MTX2: variants seen among roughly 807,000 people sequenced by gnomAD.
MTX2 encodes the protein metaxin-2.
MTX2 carries 35 observed loss-of-function variants against 42.3 expected under a neutral mutation model. The ratio of observed to expected loss-of-function variants is 0.83; its 90% CI spans 0.63 to 1.10. The LOEUF is 1.10. Ranked by LOEUF, MTX2 falls within the 50% of genes least tolerant of loss-of-function variation. The pLI is 0.00. For missense variants in MTX2, 307 were observed against 304.1 expected, an observed-to-expected ratio of 1.01 and a Z score of -0.07; for synonymous variants, 119 against 100.9, an observed-to-expected ratio of 1.18 and a Z score of -1.08.
At chr2:176,321,337 A>G (rs1684578744) in intron 3 of MTX2, among the ~76,000 whole-genome samples, 1 of 152,158 alleles carries the variant, frequency 6.6e-6, no homozygotes, top group Non-Finnish European at 1.5e-5. Flanking sequence ...TAGGTTTTAA[A>G]GGACCGTTAG....
At chr2:176,288,689 T>C (rs1225481101) in intron 1 of MTX2, among the ~76,000 whole-genome samples, 2 of 151,700 alleles carry the variant, frequency 1.3e-5, no homozygotes, top group East Asian at 3.8e-4. Context: ...CATTAATCAA[T>C]TTGATGGATT....
chr2:176,327,576 A>ATT (rs35686950), intron 5 of MTX2, among the ~76,000 whole-genome samples: 10 of 145,226 alleles, frequency 6.9e-5, no homozygotes, highest in East Asian at 2.0e-4. Context: ...TATATATATT[A>ATT]TTTTTTTTTT....
chr2:176,323,540 C>A, intron 4 of MTX2, 76 bp downstream of exon 4: 1 of 1,342,132 alleles, frequency 7.5e-7, no homozygotes, highest in Non-Finnish European at 1.0e-6. Flanking sequence ...TTTGTATCTA[C>A]ATGTTAAAAT....
At chr2:176,315,703 C>A (rs1050034742) in intron 3 of MTX2, among the ~76,000 whole-genome samples, 1 of 152,130 alleles carries the variant, frequency 6.6e-6, no homozygotes, top group African/African-American at 2.4e-5. Flanking sequence ...TCTCTGATCC[C>A]ATCTCTTAGT....
At chr2:176,331,280 C>T (rs1334362079) in intron 9 of MTX2, among the ~76,000 whole-genome samples, 1 of 150,966 alleles carries the variant, frequency 6.6e-6, no homozygotes, top group Non-Finnish European at 1.5e-5. Context: ...ATGAATTTTC[C>T]GTTGTTAAAA....
chr2:176,269,605 C>G lies in MTX2; in HGVS notation c.-25C>G. ...GCTGAGGCCCGTGGGGGGCAGGCAC[C>G]CGGGCGCCGGGCCTCCCAGCCGACA... is the stretch of plus-strand genomic sequence containing the variant. On this transcript the variant is annotated 5_prime_UTR_variant, in exon 1 of 10. Transcript: ENST00000249442. The G allele has an allele frequency of 6.4e-7, 1 of 1,573,614 alleles. No individual in the cohort carries two copies. Among genetic ancestry groups the G allele is most frequent in the South Asian group, 1.2e-5 (1 of 86,152 alleles).
rs1025127043 is a variant in MTX2 at position 176,315,117 on chromosome 2, A to T, written c.136-8275A>T. 3.3e-5 allele frequency among the ~76,000 whole-genome samples: 5 copies of T among 152,316 alleles called. No individual in the cohort carries two copies. In the East Asian group the frequency reaches 7.7e-4, roughly 24 times the overall value. On this transcript the variant is annotated intron_variant, in intron 3 of 9. Coordinates refer to ENST00000249442, the MANE Select transcript of MTX2 (RefSeq NM_006554.5). ...AACCTGCTTATCTGGTTTTCAAAGC[A>T]CATGGCCGTACTCTTAGCAATTCTA... is the stretch of plus-strand genomic sequence containing the variant.
intron 1 of MTX2, 47 bp downstream of exon 1, chr2:176,269,716 G>T (rs1322313184): frequency 7.0e-6 from 11 of 1,561,952 alleles, no homozygotes; most frequent in Non-Finnish European, 9.5e-6. Context: ...GCGGTCTCGG[G>T]GAGCCGCGTG....
At chr2:176,309,589 A>G (rs918090373) in intron 3 of MTX2, among the ~76,000 whole-genome samples, 2 of 152,088 alleles carry the variant, frequency 1.3e-5, no homozygotes, top group Non-Finnish European at 2.9e-5. Flanking sequence ...TATTGGGTGC[A>G]TATATATTTA....
intron 3 of MTX2, among the ~76,000 whole-genome samples, chr2:176,310,824 T>C (rs1023586860): frequency 6.6e-6 from 1 of 152,198 alleles, no homozygotes; most frequent in Non-Finnish European, 1.5e-5. Flanking sequence ...GTTTTTAGCT[T>C]CCTTGCTATG....
intron 3 of MTX2, among the ~76,000 whole-genome samples, chr2:176,312,022 C>G (rs188814779): frequency 2.6e-5 from 4 of 152,282 alleles, no homozygotes; most frequent in Admixed American, 1.3e-4. Context: ...CATTCCTGTT[C>G]GGCCCTCTTG....
chr2:176,286,615 T>A (rs1693209065), intron 1 of MTX2, among the ~76,000 whole-genome samples: 1 of 151,864 alleles, frequency 6.6e-6, no homozygotes, highest in South Asian at 2.1e-4. Context: ...AGTGGCATGA[T>A]CTCAGCTCAC....
chr2:176,333,613 T>A (rs1684911243), intron 9 of MTX2, among the ~76,000 whole-genome samples: 1 of 151,728 alleles, frequency 6.6e-6, no homozygotes, highest in South Asian at 2.1e-4. Flanking sequence ...AAATATGCTT[T>A]AAAGGTTAGT....
chr2:176,279,528 T>C (rs1693031272), intron 1 of MTX2, among the ~76,000 whole-genome samples: 1 of 152,116 alleles, frequency 6.6e-6, no homozygotes, highest in Non-Finnish European at 1.5e-5. Context: ...TTTATAAATT[T>C]AAAAAAAGAT....
At chr2:176,314,373 A>G (rs961715169) in intron 3 of MTX2, among the ~76,000 whole-genome samples, 21 of 151,520 alleles carry the variant, frequency 1.4e-4, no homozygotes, top group African/African-American at 4.9e-4. Context: ...GGAGGCAGAG[A>G]TTATGGTGAG....
intron 2 of MTX2, among the ~76,000 whole-genome samples, chr2:176,297,156 G>C (rs1387249197): frequency 6.6e-6 from 1 of 152,140 alleles, no homozygotes; most frequent in Non-Finnish European, 1.5e-5. Context: ...AAATGATGTG[G>C]TTGCAGGAGC....
rs753097133 is a variant in MTX2, at chr2:176,323,473, G to GT, written c.208+18dup. On this transcript the variant is annotated intron_variant, in intron 4 of 9. Transcript: ENST00000249442. Reference sequence around the variant, plus strand: ...ATATATGTCTCCATCTGGTAAGTGTGTTTTTTTTTCTTCTCTGTTAATATT... The same window carrying GT: ...ATATATGTCTCCATCTGGTAAGTGTGTTTTTTTTTTCTTCTCTGTTAATATT... 2,174 of 1,566,412 alleles carry GT rather than the reference G, an allele frequency of 1.4e-3. No individual in the cohort carries two copies. Among genetic ancestry groups the GT allele is most frequent in the Non-Finnish European group, 1.5e-3 (1,757 of 1,146,214 alleles).
chr2:176,332,618 G>A (rs1219099643), intron 9 of MTX2, among the ~76,000 whole-genome samples: 1 of 151,336 alleles, frequency 6.6e-6, no homozygotes, highest in African/African-American at 2.4e-5. Context: ...AAAAGGAAAA[G>A]GGTAGTTAAG....
chr2:176,318,614 T>C (rs1035794989), intron 3 of MTX2, among the ~76,000 whole-genome samples: 15 of 152,330 alleles, frequency 9.8e-5, no homozygotes, highest in African/African-American at 3.1e-4. Flanking sequence ...ATTGGAAATA[T>C]AGTATTTAAT....
Sources: allele counts gnomAD v4.1 joint callset (sites outside exome capture counted in the v4.1 genomes callset), GRCh38; gene constraint gnomAD v4.1.1; transcripts MANE v1.5; gene names NCBI Gene and HGNC (gene_info 2026-07-23, HGNC 2026-07-21).